The following RBPMS variants were observed in gnomAD, a reference collection of about 807,000 sequenced individuals.
The protein encoded by RBPMS is RNA binding protein, mRNA processing factor, also known as RNA-binding protein with multiple splicing.
RBPMS carries 7 observed loss-of-function variants against 26.8 expected under a neutral mutation model. The observed-to-expected ratio is 0.26, with a 90% CI of 0.15 to 0.49. The LOEUF (loss-of-function observed/expected upper bound fraction) is 0.49. Ranked by LOEUF, RBPMS falls within the 20% of genes least tolerant of loss-of-function variation. The pLI, the probability that RBPMS is intolerant of heterozygous loss-of-function variation, is 0.98. For missense variants in RBPMS, 186 were observed against 250.0 expected, an observed-to-expected ratio of 0.74 and a Z score of 1.73; for synonymous variants, 96 against 93.3, an observed-to-expected ratio of 1.03 and a Z score of -0.17.
intron 5 of RBPMS, among the ~76,000 whole-genome samples, chr8:30,540,234 G>T (rs1468130605): frequency 6.6e-6 from 1 of 152,202 alleles, no homozygotes; most frequent in African/African-American, 2.4e-5. Context: ...GGAGCAGTGT[G>T]TGGGCGAGAG....
intron 5 of RBPMS, among the ~76,000 whole-genome samples, chr8:30,511,269 G>A (rs1305155161): frequency 1.3e-5 from 2 of 151,728 alleles, no homozygotes; most frequent in African/African-American, 2.4e-5. Flanking sequence ...AGCTGAGATC[G>A]TGCCACTGCA....
At chr8:30,508,719 T>C (rs1167082172) in intron 5 of RBPMS, among the ~76,000 whole-genome samples, 2 of 152,138 alleles carry the variant, frequency 1.3e-5, no homozygotes, top group Admixed American at 6.6e-5. Flanking sequence ...GAGGTGCCCT[T>C]CAAAGTACTT....
chr8:30,535,260 A>G (rs1477618931), intron 5 of RBPMS, among the ~76,000 whole-genome samples: 1 of 152,236 alleles, frequency 6.6e-6, no homozygotes, highest in Non-Finnish European at 1.5e-5. Flanking sequence ...ACTTTGTAAT[A>G]TCGTTAATTT....
At chr8:30,426,357 A>G (rs1322033254) in intron 1 of RBPMS, among the ~76,000 whole-genome samples, 1 of 152,124 alleles carries the variant, frequency 6.6e-6, no homozygotes, top group Non-Finnish European at 1.5e-5. Flanking sequence ...TACTTTAGAG[A>G]AGTTAATTAA....
At chr8:30,553,127 A>G (rs1342101690) in intron 6 of RBPMS, 1 of 152,250 alleles carries the variant, frequency 6.6e-6, no homozygotes, top group Non-Finnish European at 1.5e-5. Flanking sequence ...GGCAAGGACT[A>G]TTAGGTGCCA....
chr8:30,567,539 A>T (rs1253564610), intron 8 of RBPMS, among the ~76,000 whole-genome samples: 1 of 152,258 alleles, frequency 6.6e-6, no homozygotes, highest in Non-Finnish European at 1.5e-5. Flanking sequence ...CTTTTTTAAA[A>T]GACATGATTT....
chr8:30,429,252 C>T (rs930047196), intron 1 of RBPMS, among the ~76,000 whole-genome samples: 28 of 152,262 alleles, frequency 1.8e-4, no homozygotes, highest in African/African-American at 6.3e-4. Flanking sequence ...TGGATGGCCA[C>T]GTGGCTGGCT....
chr8:30,547,601 G>C (rs1825975205), intron 6 of RBPMS: 3 of 869,604 alleles, frequency 3.4e-6, no homozygotes. Context: ...GGTTTTGGGA[G>C]AATTGGGCCT....
At chr8:30,391,209 C>T (rs1807754852) in intron 1 of RBPMS, among the ~76,000 whole-genome samples, 1 of 152,194 alleles carries the variant, frequency 6.6e-6, no homozygotes, top group South Asian at 2.1e-4. Context: ...ACTGCTTGTC[C>T]CAAGGTGCAT....
chr8:30,484,734 T>C (rs1818615160), intron 4 of RBPMS, among the ~76,000 whole-genome samples: 3 of 152,194 alleles, frequency 2.0e-5, no homozygotes, highest in Admixed American at 2.0e-4. Context: ...AAAGACTTAA[T>C]AGTGTCAGAT....
intron 4 of RBPMS, among the ~76,000 whole-genome samples, chr8:30,484,838 A>C (rs7831379): frequency 0.011 from 1,648 of 152,336 alleles, 34 homozygotes; most frequent in African/African-American, 0.036. Context: ...GTTATTTATA[A>C]ATATCACAGT....
At chr8:30,503,882 T>C (rs1820821321) in intron 4 of RBPMS, among the ~76,000 whole-genome samples, 1 of 152,212 alleles carries the variant, frequency 6.6e-6, no homozygotes, top group Admixed American at 6.5e-5. Context: ...TGTCTTGCGC[T>C]AGTGTCTTTC....
chr8:30,488,455 G>T (rs979856505), intron 4 of RBPMS, among the ~76,000 whole-genome samples: 1 of 152,182 alleles, frequency 6.6e-6, no homozygotes, highest in Non-Finnish European at 1.5e-5. Flanking sequence ...TAAGATTACA[G>T]GTGATAGATA....
rs149614971 is a variant in RBPMS, at chr8:30,493,041, T to C, written c.247-11245T>C. On this transcript the variant is annotated intron_variant, in intron 4 of 8. Transcript: ENST00000397323. Reference sequence around the variant, plus strand: ...TAGTCAAATACAAGGACGTGCTTTGTTGAGGCAAACCCACTGTTGATTTCC... The same window carrying C: ...TAGTCAAATACAAGGACGTGCTTTGCTGAGGCAAACCCACTGTTGATTTCC... Among the ~76,000 whole-genome samples the C allele has an allele frequency of 3.6e-3, 554 of 152,322 alleles. 14 individuals are homozygous for C. The East Asian group carries it at 0.043, about 12-fold the overall frequency.
chr8:30,517,123 C>T (rs866366227), intron 5 of RBPMS, among the ~76,000 whole-genome samples: 6 of 151,240 alleles, frequency 4.0e-5, no homozygotes, highest in Admixed American at 6.6e-5. Flanking sequence ...GCTCTGATAC[C>T]TGCTTTCATT....
At chr8:30,455,638 C>T (rs1431004951) in intron 1 of RBPMS, among the ~76,000 whole-genome samples, 1 of 152,040 alleles carries the variant, frequency 6.6e-6, no homozygotes, top group Non-Finnish European at 1.5e-5. Flanking sequence ...GCCTGTAATC[C>T]CAGCACTTTG....
At chr8:30,454,739 C>T (rs1012518201) in intron 1 of RBPMS, among the ~76,000 whole-genome samples, 6 of 152,108 alleles carry the variant, frequency 3.9e-5, no homozygotes, top group African/African-American at 1.4e-4. Flanking sequence ...ATTGTTGAAT[C>T]TATTATTTGT....
intron 1 of RBPMS, chr8:30,453,821 T>G (rs1262744300): frequency 6.6e-6 from 1 of 152,174 alleles, no homozygotes; most frequent in Non-Finnish European, 1.5e-5. Context: ...TACAATTGAA[T>G]GTTATTTGTA....
chr8:30,528,704 A>C (rs1046070552), intron 5 of RBPMS, among the ~76,000 whole-genome samples: 1 of 152,292 alleles, frequency 6.6e-6, no homozygotes, highest in African/African-American at 2.4e-5. Flanking sequence ...ACAAAGAAGG[A>C]ATTAAGCTCA....
Sources: allele counts gnomAD v4.1 joint callset (sites outside exome capture counted in the v4.1 genomes callset), GRCh38; gene constraint gnomAD v4.1.1; transcripts MANE v1.5; gene names NCBI Gene and HGNC (gene_info 2026-07-23, HGNC 2026-07-21).